CDC14B: variants seen among roughly 807,000 people sequenced by gnomAD.
CDC14B encodes the protein cell division cycle 14B.
A neutral mutation model predicts 64.2 loss-of-function variants in CDC14B; 22 were observed. That is an observed-to-expected ratio of 0.34 (90% CI 0.24 to 0.49). The LOEUF (loss-of-function observed/expected upper bound fraction) is 0.49. Ranked by LOEUF, CDC14B falls within the 20% of genes least tolerant of loss-of-function variation. The probability of loss-of-function intolerance (pLI) is 0.99; values close to 1 mark genes in which losing one functional copy is unlikely to be tolerated. For missense variants in CDC14B, 498 were observed against 629.9 expected (o/e 0.79, Z 2.24); for synonymous variants, 191 against 215.8 (o/e 0.89, Z 1.01).
intron 5 of CDC14B, among the ~76,000 whole-genome samples, chr9:96,543,795 T>C (rs1347611437): frequency 6.6e-6 from 1 of 152,228 alleles, no homozygotes; most frequent in Non-Finnish European, 1.5e-5. Flanking sequence ...CATTTGCTCC[T>C]GGGGAAACAG....
At chr9:96,506,333 T>C (rs1834126892) in intron 13 of CDC14B, among the ~76,000 whole-genome samples, 1 of 152,146 alleles carries the variant, frequency 6.6e-6, no homozygotes, top group Admixed American at 6.5e-5. Context: ...GAATACTATT[T>C]AGTATGATAT....
chr9:96,610,639 T>A (rs1373775246), intron 1 of CDC14B, among the ~76,000 whole-genome samples: 2 of 139,500 alleles, frequency 1.4e-5, no homozygotes, highest in Non-Finnish European at 1.5e-5. Flanking sequence ...TAGAAAGAAC[T>A]AAATGACCAC....
At position 96,500,952 on chromosome 9, in the gene CDC14B, A is replaced by G. The variant is rs920040073; in HGVS notation, c.*2801T>C. 1 of 152,348 alleles carries G rather than the reference A, an allele frequency of 6.6e-6. No homozygotes were observed. The highest frequency in any genetic ancestry group is 1.5e-5 in the Non-Finnish European group (1 of 68,174). 9.4% of individuals were successfully genotyped at this position (152,348 alleles called of 1,614,324 possible). On this transcript the variant is annotated 3_prime_UTR_variant, in exon 14 of 14. Coordinates refer to ENST00000375241, the MANE Select transcript of CDC14B (RefSeq NM_033331.4). The stretch of plus-strand genomic sequence containing the variant: ...CTCTAAAACTTGCCTAGGCCCAAGA[A>G]AACAGAGAGGTAGCAATCACCCCTG...
rs192668026 is a variant in CDC14B at position 96,544,157 on chromosome 9, C to G, written c.498-2265G>C. 1.4e-4 allele frequency among the ~76,000 whole-genome samples: 21 copies of G among 152,092 alleles called. No homozygotes were observed. The East Asian group carries it at 3.9e-3, about 28-fold the overall frequency. ...ACTTGAACCTGGGAGGCAGAGGTTG[C>G]AATGAGCCAAGATCGCACGCCACTG... On this transcript the variant is annotated intron_variant, in intron 5 of 13. Coordinates refer to ENST00000375241, the MANE Select transcript of CDC14B (RefSeq NM_033331.4).
intron 12 of CDC14B, among the ~76,000 whole-genome samples, chr9:96,511,726 G>A (rs1038786259): frequency 1.2e-4 from 19 of 152,172 alleles, no homozygotes; most frequent in Non-Finnish European, 1.9e-4. Flanking sequence ...ATGAATCCTG[G>A]ATAAATCAGC....
In CDC14B at chr9:96,503,571, C is replaced by A; in HGVS notation, c.*182G>T. 1.7e-6 allele frequency: 1 copy of A among 605,454 alleles called. No homozygotes were observed. Among genetic ancestry groups the A allele is most frequent in the Non-Finnish European group, 2.9e-6 (1 of 342,492 alleles). 37.5% of individuals were successfully genotyped at this position (605,454 alleles called of 1,614,324 possible). A position where few individuals can be genotyped will look rare whatever the true frequency, so the allele number is the denominator to read the frequency against. On this transcript the variant is annotated 3_prime_UTR_variant, in exon 14 of 14. Coordinates refer to ENST00000375241, the MANE Select transcript of CDC14B (RefSeq NM_033331.4). ...GCTGGACCCTTCTCTGAGTCATTTG[C>A]TTGCACCCAAACTCAAAGTTCATTA...
At chr9:96,546,171 C>T (rs1840795076) in intron 5 of CDC14B, among the ~76,000 whole-genome samples, 2 of 152,068 alleles carry the variant, frequency 1.3e-5, no homozygotes, top group Admixed American at 1.3e-4. Flanking sequence ...TCAAAAGGAC[C>T]ACAGGCAAAT....
intron 9 of CDC14B, among the ~76,000 whole-genome samples, chr9:96,530,121 C>T (rs1011732902): frequency 6.6e-6 from 1 of 152,098 alleles, no homozygotes; most frequent in Non-Finnish European, 1.5e-5. Flanking sequence ...CTTCTTGATG[C>T]TATTATAAAT....
At chr9:96,586,409 CCTT>C (rs987014870) in intron 1 of CDC14B, among the ~76,000 whole-genome samples, 1 of 152,084 alleles carries the variant, frequency 6.6e-6, no homozygotes, top group African/African-American at 2.4e-5. Flanking sequence ...GTAATTGTAT[CCTT>C]CTTCAGTCTG....
At chr9:96,503,860 G>A (rs1421198707) in intron 13 of CDC14B, 71 bp from the exon 14 acceptor site, 2 of 1,191,142 alleles carry the variant, frequency 1.7e-6, no homozygotes, top group African/African-American at 1.5e-5. Flanking sequence ...TCAAAGACAA[G>A]GAGGGCAACA....
intron 1 of CDC14B, among the ~76,000 whole-genome samples, chr9:96,575,277 A>G (rs1283047807): frequency 2.0e-5 from 3 of 152,134 alleles, no homozygotes; most frequent in Non-Finnish European, 2.9e-5. Context: ...TTGCCTTCGG[A>G]TCTAAATGCC....
Position 96,523,704 on chromosome 9 carries a change from G to C in CDC14B, c.968C>G (p.Thr323Ser), listed in dbSNP as rs769111939. 5.6e-6 allele frequency: 9 copies of C among 1,613,564 alleles called. No homozygotes were observed. In the South Asian group the frequency reaches 9.9e-5, roughly 18 times the overall value. The stretch of plus-strand genomic sequence containing the variant: ...CTTCATGATGTAGCAGGCTATCAGA[G>C]TGCCCGTGCGACCAAGGCCAGCTAG... ...HCKAGLGRTG[T>S]LIACYIMKHY... Residue 323 changes from threonine to serine, a missense_variant, in exon 10 of 14, where the codon ACT becomes AGT. By Grantham distance (58) the Thr-to-Ser change is moderately conservative. Transcript: ENST00000375241.
intron 7 of CDC14B, among the ~76,000 whole-genome samples, chr9:96,537,532 T>C (rs974974821): frequency 6.6e-6 from 1 of 152,188 alleles, no homozygotes; most frequent in Admixed American, 6.5e-5. Flanking sequence ...GAGCTAAGAT[T>C]ACACTTTTCT....
Position 96,523,674 on chromosome 9 carries a change from T to TAATG in CDC14B, c.994_997dup (p.Tyr333SerfsTer67). The TAATG allele has an allele frequency of 6.2e-7, 1 of 1,614,120 alleles. No individual in the cohort carries two copies. The highest frequency in any genetic ancestry group is 8.5e-7 in the Non-Finnish European group (1 of 1,179,998). ...AATGGTCTCGGCTGCTGTCATCCTG[T>TAATG]AATGCTTCATGATGTAGCAGGCTAT... On this transcript the variant is annotated frameshift_variant, in exon 10 of 14. Transcript: ENST00000375241. LOFTEE classifies it high-confidence loss of function.
chr9:96,606,047 T>A (rs988254148), intron 1 of CDC14B, among the ~76,000 whole-genome samples: 1 of 151,710 alleles, frequency 6.6e-6, no homozygotes, highest in Admixed American at 6.6e-5. Flanking sequence ...AAAATAATAT[T>A]TGCTGCCCGG....
At chr9:96,497,309 G>A (rs1289449674), downstream of CDC14B, among the ~76,000 whole-genome samples, 1 of 152,068 alleles carries the variant, frequency 6.6e-6, no homozygotes. Context: ...GGGGCGGGGA[G>A]GCAGAGGCGG....
intron 12 of CDC14B, among the ~76,000 whole-genome samples, chr9:96,520,400 G>A (rs1836504990): frequency 6.6e-6 from 1 of 152,098 alleles, no homozygotes; most frequent in African/African-American, 2.4e-5. Context: ...CACCCAGGCT[G>A]GATGCAGTGA....
At chr9:96,516,182 C>A (rs1001026393) in intron 12 of CDC14B, among the ~76,000 whole-genome samples, 2 of 151,914 alleles carry the variant, frequency 1.3e-5, no homozygotes, top group Non-Finnish European at 2.9e-5. Context: ...AACAAACAAA[C>A]AAAAAAACAC....
intron 12 of CDC14B, among the ~76,000 whole-genome samples, chr9:96,510,827 A>G (rs1023249460): frequency 6.6e-6 from 1 of 152,144 alleles, no homozygotes; most frequent in Non-Finnish European, 1.5e-5. Flanking sequence ...GCTGGTCTCG[A>G]ACTCCTGATC....
Sources: allele counts gnomAD v4.1 joint callset (sites outside exome capture counted in the v4.1 genomes callset), GRCh38; gene constraint gnomAD v4.1.1; transcripts MANE v1.5; gene names NCBI Gene and HGNC (gene_info 2026-07-23, HGNC 2026-07-21).